Variants in PDE7B observed in about 807,000 individuals in gnomAD.
PDE7B encodes the protein phosphodiesterase 7B.
PDE7B carries 29 observed loss-of-function variants against 56.2 expected under a neutral mutation model. The observed-to-expected ratio is 0.52, with a 90% CI of 0.38 to 0.70. The LOEUF (loss-of-function observed/expected upper bound fraction) is 0.70. PDE7B is among the 30% of genes least tolerant of loss of function. PDE7B has a pLI of 0.00. For synonymous variants in PDE7B, 197 were observed against 196.9 expected (o/e 1.00, Z 0.00); for missense variants, 490 against 565.0 (o/e 0.87, Z 1.35).
intron 2 of PDE7B, among the ~76,000 whole-genome samples, chr6:135,967,609 G>T (rs1775017788): frequency 1.3e-5 from 2 of 152,182 alleles, no homozygotes; most frequent in Non-Finnish European, 2.9e-5. Context: ...AAGCAGACTT[G>T]CCAAGCAAAT....
intron 1 of PDE7B, among the ~76,000 whole-genome samples, chr6:135,901,791 A>T (rs185226012): frequency 1.3e-5 from 2 of 152,318 alleles, no homozygotes; most frequent in East Asian, 1.9e-4. Context: ...CCTAGTTTTC[A>T]TGGACAGTTG....
At chr6:136,123,901 G>A (rs528570293) in intron 3 of PDE7B, among the ~76,000 whole-genome samples, 5 of 152,206 alleles carry the variant, frequency 3.3e-5, no homozygotes, top group Admixed American at 6.5e-5. Context: ...ATGACTAATA[G>A]AGTAATACAA....
intron 2 of PDE7B, among the ~76,000 whole-genome samples, chr6:135,973,113 T>C (rs1349361758): frequency 2.0e-5 from 3 of 151,172 alleles, no homozygotes; most frequent in Non-Finnish European, 4.4e-5. Context: ...TTAAGCCAGT[T>C]GATGAGTGAT....
intron 6 of PDE7B, among the ~76,000 whole-genome samples, chr6:136,151,584 C>G (rs1778513605): frequency 6.6e-6 from 1 of 152,176 alleles, no homozygotes; most frequent in South Asian, 2.1e-4. Context: ...CAATAATAAA[C>G]AGTTAATTAA....
At chr6:136,100,927 T>A (rs948782458) in intron 2 of PDE7B, among the ~76,000 whole-genome samples, 17 of 152,186 alleles carry the variant, frequency 1.1e-4, no homozygotes, top group Non-Finnish European at 1.0e-4. Context: ...TCTTATTATT[T>A]TGAGATGTGT....
At chr6:135,974,572 T>C (rs143794692) in intron 2 of PDE7B, among the ~76,000 whole-genome samples, 99 of 152,280 alleles carry the variant, frequency 6.5e-4, no homozygotes, top group Non-Finnish European at 1.0e-3. Flanking sequence ...CAGAAAAAAC[T>C]TGGAAGTAGT....
intron 3 of PDE7B, among the ~76,000 whole-genome samples, chr6:136,137,895 GT>G (rs1778243634): frequency 6.6e-6 from 1 of 152,060 alleles, no homozygotes; most frequent in Admixed American, 6.6e-5. Flanking sequence ...GTAGATATCT[GT>G]GATATTTACA....
chr6:136,013,843 G>A (rs1775932733), intron 2 of PDE7B, among the ~76,000 whole-genome samples: 1 of 152,188 alleles, frequency 6.6e-6, no homozygotes. Flanking sequence ...GTGCTACATT[G>A]AAGAGACAAG....
At chr6:136,157,320 C>A (rs770026850) in intron 8 of PDE7B, among the ~76,000 whole-genome samples, 7 of 152,160 alleles carry the variant, frequency 4.6e-5, no homozygotes, top group Non-Finnish European at 8.8e-5. Flanking sequence ...GTGGTTCACA[C>A]CTGTAATCTC....
chr6:136,060,716 C>T (rs1359259418), intron 2 of PDE7B, among the ~76,000 whole-genome samples: 1 of 152,022 alleles, frequency 6.6e-6, no homozygotes, highest in Non-Finnish European at 1.5e-5. Context: ...CTAGTAAAAA[C>T]CTAAATAAGA....
In PDE7B at chr6:136,068,642, A is replaced by G. The variant is rs11753687; in HGVS notation, c.83-40089A>G. ...GAGACGGGGTTTCACTGTGTTAGCC[A>G]GAATGGTCTCAATCTCTTGACCTTG... On this transcript the variant is annotated intron_variant, in intron 2 of 12. Coordinates refer to ENST00000308191, the MANE Select transcript of PDE7B (RefSeq NM_018945.4). Among the ~76,000 whole-genome samples, 833 of 152,192 alleles carry G rather than the reference A, an allele frequency of 5.5e-3. 2 individuals are homozygous for G. Among genetic ancestry groups the G allele is most frequent in the Non-Finnish European group, 8.9e-3 (608 of 67,996 alleles).
intron 3 of PDE7B, among the ~76,000 whole-genome samples, chr6:136,120,831 C>A (rs532873927): frequency 6.6e-6 from 1 of 152,200 alleles, no homozygotes. Flanking sequence ...AGTGTGGTCG[C>A]CTGGCTCAGC....
intron 1 of PDE7B, among the ~76,000 whole-genome samples, chr6:135,870,263 A>C (rs1775350998): frequency 6.6e-6 from 1 of 152,154 alleles, no homozygotes; most frequent in African/African-American, 2.4e-5. Flanking sequence ...GCAGCAATAC[A>C]CAATGCTGTG....
At chr6:135,920,975 G>A (rs944147112) in intron 1 of PDE7B, among the ~76,000 whole-genome samples, 1 of 152,088 alleles carries the variant, frequency 6.6e-6, no homozygotes, top group Non-Finnish European at 1.5e-5. Flanking sequence ...TTTTCTCTTG[G>A]GAGGTGCCAG....
chr6:135,995,237 C>T (rs960287524), intron 2 of PDE7B, among the ~76,000 whole-genome samples: 5 of 151,360 alleles, frequency 3.3e-5, no homozygotes, highest in Admixed American at 6.6e-5. Context: ...TATGTACCAC[C>T]GCTACTCAGT....
chr6:136,168,462 G>A (rs1253696503), intron 8 of PDE7B, among the ~76,000 whole-genome samples: 3 of 145,392 alleles, frequency 2.1e-5, no homozygotes, highest in Non-Finnish European at 4.4e-5. Flanking sequence ...GATCCCCAGT[G>A]CACACCACAG....
At chr6:136,023,981 A>T (rs978150924) in intron 2 of PDE7B, among the ~76,000 whole-genome samples, 1 of 152,094 alleles carries the variant, frequency 6.6e-6, no homozygotes, top group Non-Finnish European at 1.5e-5. Context: ...GCCATTAAGG[A>T]TTGACTTACA....
At chr6:136,041,857 G>A (rs1200447072) in intron 2 of PDE7B, among the ~76,000 whole-genome samples, 1 of 152,098 alleles carries the variant, frequency 6.6e-6, no homozygotes, top group Non-Finnish European at 1.5e-5. Context: ...TAAGGCATCC[G>A]GGATCACACA....
chr6:136,154,416 CA>C (rs5880284), intron 7 of PDE7B, among the ~76,000 whole-genome samples: 15,961 of 124,310 alleles, frequency 0.13, 2,547 homozygotes, highest in African/African-American at 0.39. Context: ...TGTATTTGGA[CA>C]AAAAAAAAAA....
Sources: allele counts gnomAD v4.1 joint callset (sites outside exome capture counted in the v4.1 genomes callset), GRCh38; gene constraint gnomAD v4.1.1; transcripts MANE v1.5; gene names NCBI Gene and HGNC (gene_info 2026-07-23, HGNC 2026-07-21).